ASCC1: variants seen among roughly 807,000 people sequenced by gnomAD.
ASCC1 encodes activating signal cointegrator 1 complex subunit 1.
A neutral mutation model predicts 46.6 loss-of-function variants in ASCC1; 35 were observed. The observed-to-expected ratio is 0.75, with a 90% CI of 0.57 to 0.99. The LOEUF (loss-of-function observed/expected upper bound fraction) is 0.99, where lower values mean the gene tolerates loss of function less well. ASCC1 is among the 50% of genes least tolerant of loss of function. The pLI is 0.00. For missense variants in ASCC1, 376 were observed against 428.7 expected (o/e 0.88, Z 1.09); for synonymous variants, 143 against 146.6 (o/e 0.98, Z 0.18).
At chr10:72,102,676 T>G (rs1272296430) in intron 9 of ASCC1, among the ~76,000 whole-genome samples, 1 of 152,100 alleles carries the variant, frequency 6.6e-6, no homozygotes, top group East Asian at 1.9e-4. Context: ...ATGCCAATAA[T>G]TATACATTAA....
chr10:72,148,131 T>C (rs1847860583), intron 7 of ASCC1, among the ~76,000 whole-genome samples: 1 of 152,194 alleles, frequency 6.6e-6, no homozygotes, highest in Admixed American at 6.5e-5. Flanking sequence ...ACAGGTTTTT[T>C]TTAAGTTTCA....
chr10:72,125,268 C>CTCCCA (rs1844726604), intron 9 of ASCC1, among the ~76,000 whole-genome samples: 3 of 152,156 alleles, frequency 2.0e-5, no homozygotes, highest in Admixed American at 6.5e-5. Context: ...CTAAGGCTGC[C>CTCCCA]TCCCATCACC....
intron 3 of ASCC1, among the ~76,000 whole-genome samples, chr10:72,208,316 ATTTTT>A (rs10708653): frequency 7.0e-6 from 1 of 143,648 alleles, no homozygotes; most frequent in African/African-American, 2.5e-5. Flanking sequence ...TGTTACACTG[ATTTTT>A]TTTTTTTTTT....
intron 9 of ASCC1, among the ~76,000 whole-genome samples, chr10:72,100,764 C>A (rs571418922): frequency 6.6e-6 from 1 of 152,026 alleles, no homozygotes; most frequent in Non-Finnish European, 1.5e-5. Flanking sequence ...ATAAGCCCTA[C>A]AGAGGAAGAA....
chr10:72,186,843 A>G (rs1362209265), intron 5 of ASCC1, among the ~76,000 whole-genome samples: 2 of 151,090 alleles, frequency 1.3e-5, no homozygotes, highest in Admixed American at 1.3e-4. Context: ...GAACAAGCTC[A>G]TTCTGGCGAA....
intron 9 of ASCC1, among the ~76,000 whole-genome samples, chr10:72,112,807 T>C (rs1336944580): frequency 7.3e-6 from 1 of 136,572 alleles, no homozygotes; most frequent in Non-Finnish European, 1.5e-5. Flanking sequence ...TGAACCCAAG[T>C]GGTGGAGGCT....
intron 5 of ASCC1, among the ~76,000 whole-genome samples, chr10:72,191,988 TA>T (rs200619095): frequency 1.7e-4 from 25 of 145,206 alleles, no homozygotes; most frequent in East Asian, 6.0e-4. Context: ...GTACAACCCA[TA>T]AAAAAAAAAT....
chr10:72,186,763 A>C (rs1382047996), intron 5 of ASCC1, among the ~76,000 whole-genome samples: 2 of 152,170 alleles, frequency 1.3e-5, no homozygotes, highest in African/African-American at 4.8e-5. Context: ...AGACTATGTT[A>C]ATACGCAGTC....
chr10:72,123,025 T>G (rs1441370133), intron 9 of ASCC1, among the ~76,000 whole-genome samples: 1 of 151,986 alleles, frequency 6.6e-6, no homozygotes, highest in Non-Finnish European at 1.5e-5. Flanking sequence ...TTAAGCAGAA[T>G]GAAAGAAATA....
rs536209047 is a variant in ASCC1 at position 72,204,343 on chromosome 10, C to T, written c.213-819G>A. 17 of 1,528,902 alleles carry T rather than the reference C, an allele frequency of 1.1e-5. No individual in the cohort carries two copies. The African/African-American group carries it at 2.3e-4, about 21-fold the overall frequency. The allele number at this position is 1,528,902 out of a possible 1,614,324, so 94.7% of individuals were successfully genotyped here. On this transcript the variant is annotated intron_variant, in intron 3 of 9. Coordinates refer to ENST00000672957, the MANE Select transcript of ASCC1 (RefSeq NM_001198800.3). ...GCGAGCTACAGCCAACTCTCGACTACCCCATGAAGACGGGACATGAGCTCA... is the reference window on the plus strand; with the variant it reads ...GCGAGCTACAGCCAACTCTCGACTATCCCATGAAGACGGGACATGAGCTCA...
At chr10:72,157,484 T>C (rs967546062) in intron 6 of ASCC1, among the ~76,000 whole-genome samples, 1 of 152,220 alleles carries the variant, frequency 6.6e-6, no homozygotes, top group African/African-American at 2.4e-5. Flanking sequence ...TAATGTTATA[T>C]CTGCAATTTC....
At chr10:72,151,695 A>AT (rs59725846) in intron 7 of ASCC1, among the ~76,000 whole-genome samples, 99 of 147,026 alleles carry the variant, frequency 6.7e-4, no homozygotes, top group African/African-American at 1.0e-3. Context: ...ATCTTTTTAA[A>AT]TTTTTTTTTT....
At chr10:72,161,711 A>G (rs1025304494) in intron 5 of ASCC1, 37 bp from the exon 6 acceptor site, 1 of 1,613,486 alleles carries the variant, frequency 6.2e-7, no homozygotes, top group Non-Finnish European at 8.5e-7. Context: ...AACTCAGCCC[A>G]TACAAAGGCA....
chr10:72,194,304 T>C (rs533786824), intron 5 of ASCC1, among the ~76,000 whole-genome samples: 23 of 151,018 alleles, frequency 1.5e-4, no homozygotes, highest in Non-Finnish European at 2.1e-4. Context: ...TCACAAATAA[T>C]TGAATAAATA....
chr10:72,102,330 T>C, intron 9 of ASCC1: 2 of 1,549,056 alleles, frequency 1.3e-6, no homozygotes, highest in Non-Finnish European at 1.7e-6. Flanking sequence ...CGGCTGTATC[T>C]TACCCACTAG....
At chr10:72,146,255 G>C (rs1306222169) in intron 7 of ASCC1, among the ~76,000 whole-genome samples, 1 of 152,176 alleles carries the variant, frequency 6.6e-6, no homozygotes, top group Non-Finnish European at 1.5e-5. Context: ...AAGCGCTATG[G>C]TCTACTGCCC....
chr10:72,109,524 GACAA>G (rs777939473), intron 9 of ASCC1, among the ~76,000 whole-genome samples: 2 of 152,188 alleles, frequency 1.3e-5, no homozygotes, highest in Non-Finnish European at 2.9e-5. Flanking sequence ...GCAGAAGGCA[GACAA>G]ACAGAGCCAG....
intron 9 of ASCC1, among the ~76,000 whole-genome samples, chr10:72,118,294 G>A (rs892667673): frequency 1.3e-5 from 2 of 151,444 alleles, no homozygotes; most frequent in African/African-American, 4.9e-5. Context: ...GTGAACCCGG[G>A]AGGCAGAGCT....
chr10:72,188,983 T>C (rs1325133116), intron 5 of ASCC1, among the ~76,000 whole-genome samples: 1 of 152,052 alleles, frequency 6.6e-6, no homozygotes, highest in Non-Finnish European at 1.5e-5. Flanking sequence ...CTTGAACTCC[T>C]GGGCTCAAGC....
Sources: gnomAD v4.1 joint callset for allele counts (sites outside exome capture counted in the v4.1 genomes callset) on GRCh38, gnomAD v4.1.1 for gene constraint, MANE v1.5 for transcripts, NCBI Gene and HGNC (gene_info 2026-07-23, HGNC 2026-07-21) for gene names.